The following ANKS1B variants were observed in gnomAD, a reference collection of about 807,000 sequenced individuals.
ANKS1B encodes ankyrin repeat and sterile alpha motif domain containing 1B, also known as ankyrin repeat and sterile alpha motif domain-containing protein 1B.
Under a neutral mutation model 148.3 loss-of-function variants are expected in ANKS1B, and 36 were observed. The observed-to-expected ratio is 0.24, with a 90% CI of 0.19 to 0.32. The LOEUF (loss-of-function observed/expected upper bound fraction) is 0.32, where lower values mean the gene tolerates loss of function less well. Among genes scored for constraint, ANKS1B ranks in the 10% least tolerant of loss-of-function variants. The pLI is 1.00. For synonymous variants in ANKS1B, 542 were observed against 560.8 expected, an observed-to-expected ratio of 0.97 and a Z score of 0.47; for missense variants, 1,157 against 1,542.6, an observed-to-expected ratio of 0.75 and a Z score of 4.19.
At chr12:99,203,855 A>G (rs533300839) in intron 14 of ANKS1B, among the ~76,000 whole-genome samples, 18 of 152,170 alleles carry the variant, frequency 1.2e-4, no homozygotes, top group Non-Finnish European at 2.2e-4. Flanking sequence ...AGTTTGTTTC[A>G]CCAGCTAGAC....
chr12:99,734,132 A>T (rs1318707), intron 8 of ANKS1B, among the ~76,000 whole-genome samples: 1,839 of 152,180 alleles, frequency 0.012, 46 homozygotes, highest in African/African-American at 0.042. Flanking sequence ...TACATTTCTC[A>T]ACTTTTTTCC....
intron 1 of ANKS1B, among the ~76,000 whole-genome samples, chr12:99,875,371 T>G (rs1395498355): frequency 3.3e-5 from 5 of 152,106 alleles, no homozygotes. Flanking sequence ...ATTTAACTCA[T>G]TAAAATGTAT....
chr12:99,124,896 C>T (rs532543759), intron 15 of ANKS1B, among the ~76,000 whole-genome samples: 13 of 152,154 alleles, frequency 8.5e-5, no homozygotes, highest in South Asian at 4.2e-4. Flanking sequence ...TTGACAAATT[C>T]GGCAATGGGA....
Position 99,053,200 on chromosome 12 carries a change from G to A in ANKS1B, c.2735C>T (p.Ser912Leu). 1.2e-6 allele frequency: 2 copies of A among 1,609,530 alleles called. No homozygotes were observed. Among genetic ancestry groups the A allele is most frequent in the Non-Finnish European group, 8.5e-7 (1 of 1,177,860 alleles). ...CCAGATTTTTTTCAACAGGTCCATCGAAGTGTAGCCATTAATTAGAAAGGC... is the reference window on the plus strand; with the variant it reads ...CCAGATTTTTTTCAACAGGTCCATCAAAGTGTAGCCATTAATTAGAAAGGC... The part of the protein sequence containing the change: ...TKAFLINGYT[S>L]MDLLKKIWEV... Residue 912 changes from serine (S) to leucine (L), a missense_variant, in exon 17 of 27, where the codon TCG becomes TTG. Physicochemically the swap from Ser to Leu is moderately radical, Grantham distance 145. Transcript: ENST00000683438.
intron 1 of ANKS1B, among the ~76,000 whole-genome samples, chr12:99,855,554 C>T (rs1178031226): frequency 1.3e-5 from 2 of 152,082 alleles, no homozygotes; most frequent in Non-Finnish European, 2.9e-5. Context: ...TACCCTAAAA[C>T]AAACGGACTT....
intron 14 of ANKS1B, among the ~76,000 whole-genome samples, chr12:99,175,233 TC>T (rs1296275084): frequency 6.6e-6 from 1 of 152,186 alleles, no homozygotes; most frequent in Non-Finnish European, 1.5e-5. Context: ...TCTTTAAGTT[TC>T]CATGGACATT....
intron 17 of ANKS1B, among the ~76,000 whole-genome samples, chr12:99,031,516 C>T (rs569223236): frequency 7.9e-5 from 12 of 152,254 alleles, no homozygotes; most frequent in African/African-American, 2.6e-4. Flanking sequence ...GTGACATGGT[C>T]TGGCCAATGA....
intron 9 of ANKS1B, among the ~76,000 whole-genome samples, chr12:99,606,166 AT>A (rs912069790): frequency 6.6e-6 from 1 of 151,384 alleles, no homozygotes; most frequent in African/African-American, 2.4e-5. Flanking sequence ...TCTTTCACCC[AT>A]TTTTTTTAGT....
intron 2 of ANKS1B, among the ~76,000 whole-genome samples, chr12:99,819,568 G>A (rs1277937250): frequency 6.6e-6 from 1 of 151,678 alleles, no homozygotes; most frequent in African/African-American, 2.4e-5. Context: ...AATATCTTAT[G>A]TGTATATAAA....
chr12:98,804,098 C>T (rs1192713739), intron 20 of ANKS1B, among the ~76,000 whole-genome samples: 1 of 152,236 alleles, frequency 6.6e-6, no homozygotes, highest in Non-Finnish European at 1.5e-5. Flanking sequence ...AAATCACAAA[C>T]CACTTGCTTT....
intron 17 of ANKS1B, among the ~76,000 whole-genome samples, chr12:99,026,904 T>C (rs2153452164): frequency 6.6e-6 from 1 of 152,316 alleles, no homozygotes; most frequent in East Asian, 1.9e-4. Flanking sequence ...TTAGAGCATC[T>C]AGGAAAATGT....
In ANKS1B at chr12:99,936,359, T is replaced by C. The variant is rs58272275; in HGVS notation, c.134+47745A>G. On this transcript the variant is annotated intron_variant, in intron 1 of 26. Coordinates refer to ENST00000683438, the MANE Select transcript of ANKS1B (RefSeq NM_001352186.2). ...ATGCTACTTGTAAAATACACAGGGA[T>C]AATTAGGCCAGGCACAGTGGCTCAC... is the stretch of plus-strand genomic sequence containing the variant. 4.1e-3 allele frequency among the ~76,000 whole-genome samples: 630 copies of C among 152,260 alleles called. 4 individuals carry two copies. The highest frequency in any genetic ancestry group is 0.014 in the African/African-American group (599 of 41,560).
chr12:99,016,261 AT>A lies in ANKS1B; in HGVS notation c.2778+36895del, dbSNP rs956900613. On this transcript the variant is annotated intron_variant, in intron 17 of 26. Coordinates refer to ENST00000683438, the MANE Select transcript of ANKS1B (RefSeq NM_001352186.2). ...ACACCCCTAACATAGCTATGCCATT[AT>A]TTTTTTCTTCTTAAATGAACAGATG... 3.9e-5 allele frequency among the ~76,000 whole-genome samples: 6 copies of A among 152,290 alleles called. No individual in the cohort carries two copies. The East Asian group carries it at 9.6e-4, about 24-fold the overall frequency.
chr12:99,827,790 T>A (rs1000127186), intron 1 of ANKS1B, among the ~76,000 whole-genome samples: 7 of 152,200 alleles, frequency 4.6e-5, no homozygotes, highest in African/African-American at 1.4e-4. Flanking sequence ...CACACACTGC[T>A]AATAGGCATG....
intron 9 of ANKS1B, among the ~76,000 whole-genome samples, chr12:99,554,634 C>T (rs2097257712): frequency 6.6e-6 from 1 of 152,138 alleles, no homozygotes; most frequent in Non-Finnish European, 1.5e-5. Context: ...AGAAAAGAAG[C>T]TCAGAACTTT....
At chr12:98,882,741 A>G (rs991840966) in intron 17 of ANKS1B, among the ~76,000 whole-genome samples, 17 of 151,474 alleles carry the variant, frequency 1.1e-4, no homozygotes, top group African/African-American at 3.9e-4. Flanking sequence ...CTGGGCAAGT[A>G]ACTGCCATAC....
At chr12:99,439,905 G>C (rs753632312) in intron 11 of ANKS1B, among the ~76,000 whole-genome samples, 1 of 151,730 alleles carries the variant, frequency 6.6e-6, no homozygotes, top group East Asian at 1.9e-4. Context: ...ATCAACAGGA[G>C]AATTAATGAA....
chr12:99,091,841 G>C (rs187441676), intron 15 of ANKS1B, among the ~76,000 whole-genome samples: 191 of 152,180 alleles, frequency 1.3e-3, no homozygotes, highest in African/African-American at 4.0e-3. Context: ...GCTGATAGGA[G>C]ACTTTCTCAA....
chr12:99,783,393 T>C (rs181617698), intron 4 of ANKS1B, among the ~76,000 whole-genome samples: 33 of 152,176 alleles, frequency 2.2e-4, no homozygotes, highest in African/African-American at 7.0e-4. Flanking sequence ...ATCGCTAGCC[T>C]GAGAAAAGAT....
Sources: gnomAD v4.1 joint callset for allele counts (sites outside exome capture counted in the v4.1 genomes callset) on GRCh38, gnomAD v4.1.1 for gene constraint, MANE v1.5 for transcripts, NCBI Gene and HGNC (gene_info 2026-07-23, HGNC 2026-07-21) for gene names.